REV3L: variants seen among roughly 807,000 people sequenced by gnomAD.
REV3L encodes DNA polymerase zeta catalytic subunit.
A neutral mutation model predicts 299.4 loss-of-function variants in REV3L; 69 were observed. The ratio of observed to expected loss-of-function variants is 0.23; its 90% confidence interval spans 0.19 to 0.28. The LOEUF is 0.28. Among genes scored for constraint, REV3L ranks in the 10% least tolerant of loss-of-function variants. The pLI is 1.00. For missense variants in REV3L, 3,128 were observed against 3,693.8 expected (o/e 0.85, Z 3.97); for synonymous variants, 1,238 against 1,271.4 (o/e 0.97, Z 0.56).
intron 16 of REV3L, among the ~76,000 whole-genome samples, chr6:111,361,901 G>C (rs1778730555): frequency 6.6e-6 from 1 of 152,144 alleles, no homozygotes; most frequent in African/African-American, 2.4e-5. Flanking sequence ...TTATCGGGAG[G>C]AAGAAGCTGT....
At chr6:111,471,892 G>T in intron 1 of REV3L, 1 of 386,818 alleles carries the variant, frequency 2.6e-6, no homozygotes, top group Non-Finnish European at 4.0e-6. Flanking sequence ...GTCACAGAAG[G>T]CTTTAAAGAG....
In REV3L at chr6:111,367,571, A is replaced by G; in HGVS notation, c.6217T>C (p.Ser2073Pro). Reference protein sequence around the residue: ...TAHTKEDVDNSQIALQAPTTG... With the variant: ...TAHTKEDVDNPQIALQAPTTG... ...GTTGGTGCTTGTAAAGCAATCTGAG[A>G]ATTATCAACATCCTCCTTGGTATGT... The change falls in exon 14 of 32, where the codon TCT becomes CCT. Residue 2073 changes from serine (S) to proline (P), a missense_variant. By Grantham distance (74) the Ser-to-Pro change is moderately conservative (BLOSUM62 -1). Around this residue, in one of 9 missense-constraint regions of REV3L, gnomAD observed 2,409 missense variants for 2,611.8 expected, o/e 0.92. Coordinates refer to ENST00000368802, the MANE Select transcript of REV3L (RefSeq NM_001372078.1). 2 of 1,613,930 alleles carry G rather than the reference A, an allele frequency of 1.2e-6. No homozygotes were observed. The highest frequency in any genetic ancestry group is 1.7e-6 in the Non-Finnish European group (2 of 1,179,842).
At chr6:111,450,521 T>C (rs1789406583) in intron 1 of REV3L, among the ~76,000 whole-genome samples, 1 of 142,258 alleles carries the variant, frequency 7.0e-6, no homozygotes, top group African/African-American at 2.6e-5. Context: ...AAAACATTAG[T>C]ATCCTATGTT....
Position 111,367,821 on chromosome 6 carries a change from A to T in REV3L, c.5967T>A (p.Asp1989Glu). 1 of 1,614,036 alleles carries T rather than the reference A, an allele frequency of 6.2e-7. No homozygotes were observed. The highest frequency in any genetic ancestry group is 8.5e-7 in the Non-Finnish European group (1 of 1,179,980). Reference sequence around the variant, plus strand: ...TGCAAGGCATAATCACAATTTTTTTATCTTCAACCATCTTAGGGCTATTAC... The same window carrying T: ...TGCAAGGCATAATCACAATTTTTTTTTCTTCAACCATCTTAGGGCTATTAC... ...GSSNSPKMVE[D>E]KKIVIMPCKC... The change falls in exon 14 of 32, where the codon GAT becomes GAA. Residue 1989 changes from aspartate (D) to glutamate (E), a missense_variant. Physicochemically the swap from Asp to Glu is conservative, Grantham distance 45 (BLOSUM62 2). Coordinates refer to ENST00000368802, the MANE Select transcript of REV3L (RefSeq NM_001372078.1).
intron 16 of REV3L, among the ~76,000 whole-genome samples, chr6:111,360,900 G>A (rs1397742191): frequency 6.6e-6 from 1 of 150,946 alleles, no homozygotes; most frequent in African/African-American, 2.4e-5. Context: ...TAAAATATTA[G>A]TATTAAAAAA....
chr6:111,435,433 T>A (rs1195116320), intron 1 of REV3L, among the ~76,000 whole-genome samples: 1 of 151,846 alleles, frequency 6.6e-6, no homozygotes, highest in Non-Finnish European at 1.5e-5. Context: ...AGAAACCAAA[T>A]CAGCATGCTA....
intron 25 of REV3L, among the ~76,000 whole-genome samples, chr6:111,325,700 A>G (rs1424909001): frequency 6.6e-6 from 1 of 152,264 alleles, no homozygotes; most frequent in Non-Finnish European, 1.5e-5. Context: ...TATGATGTAC[A>G]CAGGCAGACA....
intron 31 of REV3L, among the ~76,000 whole-genome samples, chr6:111,301,161 C>G (rs1026565763): frequency 2.0e-5 from 3 of 152,176 alleles, no homozygotes; most frequent in South Asian, 4.1e-4. Flanking sequence ...GCAGCACCCC[C>G]AGGCTTGCTA....
intron 3 of REV3L, among the ~76,000 whole-genome samples, chr6:111,408,220 A>T (rs545118829): frequency 6.6e-6 from 1 of 152,286 alleles, no homozygotes; most frequent in African/African-American, 2.4e-5. Flanking sequence ...AATGGATGTA[A>T]ATGCAATTTA....
At chr6:111,437,889 T>C (rs1787769765) in intron 1 of REV3L, among the ~76,000 whole-genome samples, 1 of 152,162 alleles carries the variant, frequency 6.6e-6, no homozygotes, top group Non-Finnish European at 1.5e-5. Context: ...GGTCTTCCTC[T>C]GTCACTCAGG....
chr6:111,315,505 C>G (rs895057560), intron 26 of REV3L, 124 bp from the exon 27 acceptor site: 1 of 649,762 alleles, frequency 1.5e-6, no homozygotes, highest in Non-Finnish European at 2.7e-6. Flanking sequence ...CTCCTATTTA[C>G]TCTTTAAGAT....
At chr6:111,361,962 T>G (rs1778735702) in intron 16 of REV3L, among the ~76,000 whole-genome samples, 1 of 152,152 alleles carries the variant, frequency 6.6e-6, no homozygotes, top group South Asian at 2.1e-4. Context: ...AGAGGGCCCA[T>G]GGTTCTGAAA....
rs556144398 is a variant in REV3L at position 111,314,033 on chromosome 6, G to A, written c.8467-544C>T. On this transcript the variant is annotated intron_variant, in intron 27 of 31. Transcript: ENST00000368802. ...GCGGGCTATTCTCATCTTGCTTTCCGTTATGTTTACAACAAGAGACTGCTT... is the reference window on the plus strand; with the variant it reads ...GCGGGCTATTCTCATCTTGCTTTCCATTATGTTTACAACAAGAGACTGCTT... Among the ~76,000 whole-genome samples the A allele has an allele frequency of 7.2e-5, 11 of 152,192 alleles. No homozygotes were observed. In the South Asian group the frequency reaches 1.7e-3, roughly 23 times the overall value.
At chr6:111,343,831 G>T in intron 21 of REV3L, 94 bp downstream of exon 21, 1 of 923,532 alleles carries the variant, frequency 1.1e-6, no homozygotes, top group Non-Finnish European at 1.6e-6. Flanking sequence ...CAACTGGCCT[G>T]AACAATACAC....
chr6:111,473,634 A>C (rs1369533851), intron 1 of REV3L, among the ~76,000 whole-genome samples: 4 of 151,954 alleles, frequency 2.6e-5, no homozygotes, highest in Non-Finnish European at 5.9e-5. Flanking sequence ...ATATAAGAAG[A>C]TTCTAAGCAC....
At chr6:111,302,026 T>C (rs563985502) in intron 31 of REV3L, among the ~76,000 whole-genome samples, 3 of 152,372 alleles carry the variant, frequency 2.0e-5, no homozygotes, top group Admixed American at 2.0e-4. Flanking sequence ...TTGATCTATA[T>C]TTATCAAAGG....
chr6:111,409,828 A>G (rs143100133), intron 3 of REV3L, among the ~76,000 whole-genome samples: 29 of 152,290 alleles, frequency 1.9e-4, no homozygotes, highest in African/African-American at 7.0e-4. Context: ...AGTGGAGAGA[A>G]AATAAATGGA....
chr6:111,345,776 CTT>C (rs879786443), intron 20 of REV3L, among the ~76,000 whole-genome samples: 1 of 145,506 alleles, frequency 6.9e-6, no homozygotes. Flanking sequence ...CTGCTGCCGC[CTT>C]TTTTTTTTTA....
At chr6:111,482,637 G>T in intron 1 of REV3L, 113 bp downstream of exon 1, 1 of 559,336 alleles carries the variant, frequency 1.8e-6, no homozygotes, top group Non-Finnish European at 2.4e-6. Context: ...AGACGCGGCA[G>T]CGATCCACGG....
Sources: allele counts gnomAD v4.1 joint callset (sites outside exome capture counted in the v4.1 genomes callset), GRCh38; gene constraint gnomAD v4.1.1; regional missense constraint gnomAD v4.1.1; transcripts MANE v1.5; gene names NCBI Gene and HGNC (gene_info 2026-07-23, HGNC 2026-07-21).